Variants in KCNIP4 observed in about 807,000 individuals in gnomAD.
The protein encoded by KCNIP4 is Kv channel-interacting protein 4.
A neutral mutation model predicts 34.0 loss-of-function variants in KCNIP4; 12 were observed. That is an observed-to-expected ratio of 0.35 (90% CI 0.23 to 0.57). The LOEUF (loss-of-function observed/expected upper bound fraction) is 0.57, where lower values mean the gene tolerates loss of function less well. KCNIP4 is among the 20% of genes least tolerant of loss of function. KCNIP4 has a pLI of 0.83. For missense variants in KCNIP4, 238 were observed against 311.7 expected (o/e 0.76, Z 1.78); for synonymous variants, 124 against 102.2 (o/e 1.21, Z -1.29).
intron 1 of KCNIP4, among the ~76,000 whole-genome samples, chr4:21,889,349 T>C (rs566685971): frequency 2.0e-4 from 30 of 152,152 alleles, no homozygotes; most frequent in African/African-American, 7.0e-4. Context: ...ATCTCATTAA[T>C]TATGTATATG....
intron 1 of KCNIP4, among the ~76,000 whole-genome samples, chr4:21,498,514 C>T (rs1733035542): frequency 6.6e-6 from 1 of 151,214 alleles, no homozygotes; most frequent in Non-Finnish European, 1.5e-5. Context: ...AAATAAGCAA[C>T]CCAATAAATC....
At chr4:21,767,843 G>A (rs1037784351) in intron 1 of KCNIP4, among the ~76,000 whole-genome samples, 2 of 151,890 alleles carry the variant, frequency 1.3e-5, no homozygotes, top group African/African-American at 2.4e-5. Flanking sequence ...ACTTACCACC[G>A]ACATATCTAT....
At chr4:21,389,814 C>A (rs1318989025) in intron 1 of KCNIP4, among the ~76,000 whole-genome samples, 2 of 152,006 alleles carry the variant, frequency 1.3e-5, no homozygotes, top group Non-Finnish European at 2.9e-5. Flanking sequence ...TGGGCATATA[C>A]CCAGTAATAG....
intron 1 of KCNIP4, among the ~76,000 whole-genome samples, chr4:21,599,884 G>A (rs1316272198): frequency 6.6e-6 from 1 of 152,008 alleles, no homozygotes; most frequent in Non-Finnish European, 1.5e-5. Context: ...GTTGTAGGGA[G>A]TACTAAATAT....
intron 1 of KCNIP4, among the ~76,000 whole-genome samples, chr4:21,130,697 T>C (rs893577540): frequency 3.9e-5 from 6 of 152,228 alleles, no homozygotes; most frequent in African/African-American, 1.4e-4. Flanking sequence ...GTCCTGGCTG[T>C]GCTGTTTACA....
chr4:20,972,085 C>T (rs757808807), intron 1 of KCNIP4, among the ~76,000 whole-genome samples: 2 of 152,210 alleles, frequency 1.3e-5, no homozygotes, highest in South Asian at 2.1e-4. Flanking sequence ...TCAGGCTCCA[C>T]TTCTAATTCT....
intron 1 of KCNIP4, among the ~76,000 whole-genome samples, chr4:21,618,076 C>T (rs6812187): frequency 0.66 from 101,079 of 152,068 alleles, 34,415 homozygotes; most frequent in East Asian, 0.86. Flanking sequence ...ACATATGATG[C>T]TGAAGGTAGT....
intron 1 of KCNIP4, among the ~76,000 whole-genome samples, chr4:20,950,401 T>C (rs921816161): frequency 2.0e-5 from 3 of 152,156 alleles, no homozygotes; most frequent in Non-Finnish European, 4.4e-5. Context: ...TCCGTTGTTG[T>C]GGATATTTCA....
At chr4:21,284,190 G>T (rs980673310) in intron 1 of KCNIP4, among the ~76,000 whole-genome samples, 61 of 151,530 alleles carry the variant, frequency 4.0e-4, no homozygotes, top group Non-Finnish European at 7.2e-4. Flanking sequence ...TCCAGCCTGG[G>T]CGACAGAGCG....
intron 1 of KCNIP4, among the ~76,000 whole-genome samples, chr4:21,331,145 T>C (rs553644791): frequency 6.6e-6 from 1 of 151,744 alleles, no homozygotes; most frequent in African/African-American, 2.4e-5. Context: ...CTTTGACTAT[T>C]TTTTTTTGCT....
At chr4:20,929,729 T>G (rs748660938) in intron 1 of KCNIP4, among the ~76,000 whole-genome samples, 1 of 152,132 alleles carries the variant, frequency 6.6e-6, no homozygotes, top group South Asian at 2.1e-4. Flanking sequence ...AGCATTTTTA[T>G]ACACTAATAA....
intron 1 of KCNIP4, among the ~76,000 whole-genome samples, chr4:20,909,764 A>C (rs1243064652): frequency 1.3e-5 from 2 of 152,028 alleles, no homozygotes; most frequent in Non-Finnish European, 2.9e-5. Flanking sequence ...ACCAATGTCT[A>C]TTTCATTTTT....
intron 1 of KCNIP4, among the ~76,000 whole-genome samples, chr4:21,279,174 T>C (rs1762621956): frequency 6.6e-6 from 1 of 152,208 alleles, no homozygotes; most frequent in African/African-American, 2.4e-5. Context: ...AAACCACAAC[T>C]ACTTATTTTG....
At chr4:21,513,603 A>G (rs1408942220) in intron 1 of KCNIP4, among the ~76,000 whole-genome samples, 1 of 152,184 alleles carries the variant, frequency 6.6e-6, no homozygotes, top group African/African-American at 2.4e-5. Flanking sequence ...GTATTCACCA[A>G]TAGTATTTTC....
intron 1 of KCNIP4, among the ~76,000 whole-genome samples, chr4:20,894,349 G>A (rs186376546): frequency 7.2e-4 from 110 of 152,246 alleles, no homozygotes; most frequent in African/African-American, 2.2e-3. Flanking sequence ...GTGTATTTTC[G>A]TGTTGGAGTG....
At chr4:20,818,192 A>T (rs1453356227) in intron 3 of KCNIP4, among the ~76,000 whole-genome samples, 7 of 152,200 alleles carry the variant, frequency 4.6e-5, no homozygotes, top group Non-Finnish European at 8.8e-5. Context: ...AGAGGTGTCA[A>T]AATGATGTCT....
intron 1 of KCNIP4, among the ~76,000 whole-genome samples, chr4:21,897,159 T>C (rs1466373260): frequency 6.6e-6 from 1 of 152,090 alleles, no homozygotes; most frequent in African/African-American, 2.4e-5. Context: ...GTATGCCCTT[T>C]AGCCACATTT....
chr4:20,863,106 G>C (rs1021691358), intron 2 of KCNIP4, among the ~76,000 whole-genome samples: 1 of 152,130 alleles, frequency 6.6e-6, no homozygotes, highest in Non-Finnish European at 1.5e-5. Context: ...TTGCAATGGA[G>C]AAAAAATAAT....
At chr4:21,011,787 C>G (rs1739085350) in intron 1 of KCNIP4, among the ~76,000 whole-genome samples, 1 of 152,174 alleles carries the variant, frequency 6.6e-6, no homozygotes, top group Non-Finnish European at 1.5e-5. Flanking sequence ...TCCAAAGTGG[C>G]TTTCAGAAAG....
Sources: gnomAD v4.1 joint callset for allele counts (sites outside exome capture counted in the v4.1 genomes callset) on GRCh38, gnomAD v4.1.1 for gene constraint, MANE v1.5 for transcripts, NCBI Gene and HGNC (gene_info 2026-07-23, HGNC 2026-07-21) for gene names.